The following CLIC4 variants were observed in gnomAD, a reference collection of about 807,000 sequenced individuals.
CLIC4 encodes CLIC family member 4, also known as chloride intracellular channel protein 4.
CLIC4 carries 13 observed loss-of-function variants against 24.6 expected under a neutral mutation model. That is an observed-to-expected ratio of 0.53 (90% CI 0.34 to 0.84). The LOEUF (loss-of-function observed/expected upper bound fraction) is 0.84, where lower values mean the gene tolerates loss of function less well. CLIC4 is among the 40% of genes least tolerant of loss of function. The pLI is 0.01. For missense variants in CLIC4, 227 were observed against 301.7 expected, an observed-to-expected ratio of 0.75 and a Z score of 1.83; for synonymous variants, 104 against 111.3, an observed-to-expected ratio of 0.93 and a Z score of 0.41.
intron 3 of CLIC4, among the ~76,000 whole-genome samples, chr1:24,826,027 C>T (rs1030063002): frequency 2.6e-5 from 4 of 152,160 alleles, no homozygotes; most frequent in African/African-American, 9.7e-5. Flanking sequence ...TGACATGAGT[C>T]CTCCTAAAGG....
At chr1:24,778,712 C>T (rs1426540957) in intron 1 of CLIC4, among the ~76,000 whole-genome samples, 1 of 152,158 alleles carries the variant, frequency 6.6e-6, no homozygotes, top group Non-Finnish European at 1.5e-5. Flanking sequence ...TAGACTTGTT[C>T]CTCCTTTTAG....
chr1:24,767,142 T>C (rs1639011238), intron 1 of CLIC4, among the ~76,000 whole-genome samples: 2 of 151,686 alleles, frequency 1.3e-5, no homozygotes, highest in Non-Finnish European at 2.9e-5. Flanking sequence ...CTGGGCCACA[T>C]GTGGCCCACG....
intron 2 of CLIC4, among the ~76,000 whole-genome samples, chr1:24,809,264 A>C (rs954099773): frequency 3.3e-5 from 5 of 152,186 alleles, no homozygotes; most frequent in Non-Finnish European, 7.3e-5. Context: ...TTTTAAATTA[A>C]TGAGATAATT....
intron 3 of CLIC4, among the ~76,000 whole-genome samples, chr1:24,823,520 A>G (rs188479686): frequency 1.8e-4 from 27 of 152,338 alleles, no homozygotes; most frequent in Admixed American, 7.2e-4. Flanking sequence ...CACGCCTGTA[A>G]TCCCAGCACT....
Position 24,839,925 on chromosome 1 carries a change from G to T in CLIC4, c.481G>T (p.Asp161Tyr), listed in dbSNP as rs370947637. 5.1e-5 allele frequency: 82 copies of T among 1,613,052 alleles called. No individual in the cohort carries two copies. Among genetic ancestry groups the T allele is most frequent in the Non-Finnish European group, 3.1e-5 (36 of 1,179,946 alleles). ...LDEYLNSPLPDEIDENSMEDI... is the reference protein window; with the variant it reads ...LDEYLNSPLPYEIDENSMEDI... The stretch of plus-strand genomic sequence containing the variant: ...TGAATATCTGAATTCTCCTCTCCCT[G>T]ATGAAATTGATGAAAATAGTATGGA... The change falls in exon 5 of 6, where the codon GAT (aspartate) becomes TAT (tyrosine). Residue 161 changes from aspartate (D) to tyrosine (Y), a missense_variant. Physicochemically the swap from Asp to Tyr is radical, Grantham distance 160. Coordinates refer to ENST00000374379, the MANE Select transcript of CLIC4 (RefSeq NM_013943.3).
At chr1:24,822,747 T>G (rs557281389) in intron 3 of CLIC4, among the ~76,000 whole-genome samples, 1 of 152,224 alleles carries the variant, frequency 6.6e-6, no homozygotes, top group Non-Finnish European at 1.5e-5. Flanking sequence ...GAATGTCGCC[T>G]TCTTAGTGGG....
intron 1 of CLIC4, among the ~76,000 whole-genome samples, chr1:24,760,313 C>T (rs188226573): frequency 6.6e-5 from 10 of 152,046 alleles, no homozygotes; most frequent in Admixed American, 3.9e-4. Flanking sequence ...TTGCAGTGAG[C>T]CTAGATTGCA....
At chr1:24,760,612 A>G (rs1638915754) in intron 1 of CLIC4, among the ~76,000 whole-genome samples, 1 of 151,624 alleles carries the variant, frequency 6.6e-6, no homozygotes, top group Non-Finnish European at 1.5e-5. Flanking sequence ...TGGCTTTTCC[A>G]CCCTCTCCCT....
intron 1 of CLIC4, among the ~76,000 whole-genome samples, chr1:24,785,796 G>T (rs758977033): frequency 1.4e-5 from 2 of 138,876 alleles, no homozygotes; most frequent in Non-Finnish European, 3.0e-5. Flanking sequence ...AGGTTGCACT[G>T]AGCTGCTGAG....
chr1:24,801,077 A>T (rs1356587602), intron 2 of CLIC4, among the ~76,000 whole-genome samples: 2 of 146,168 alleles, frequency 1.4e-5, no homozygotes, highest in African/African-American at 5.5e-5. Flanking sequence ...ATAAATTAAA[A>T]AAAAAAAAAA....
intron 1 of CLIC4, among the ~76,000 whole-genome samples, chr1:24,758,921 A>T (rs1449579770): frequency 6.6e-6 from 1 of 152,156 alleles, no homozygotes; most frequent in Non-Finnish European, 1.5e-5. Context: ...CTGATCTGAT[A>T]TGTAACATGT....
intron 4 of CLIC4, among the ~76,000 whole-genome samples, chr1:24,830,278 C>T (rs771276708): frequency 3.9e-5 from 6 of 152,108 alleles, no homozygotes; most frequent in Non-Finnish European, 8.8e-5. Flanking sequence ...GCAAACATTT[C>T]TGTAAGTACG....
At chr1:24,769,628 GA>G (rs913809611) in intron 1 of CLIC4, among the ~76,000 whole-genome samples, 15 of 151,074 alleles carry the variant, frequency 9.9e-5, no homozygotes, top group African/African-American at 2.7e-4. Context: ...CAGTCACCCT[GA>G]AAAAAAAATT....
At chr1:24,815,278 A>T (rs1163886321) in intron 3 of CLIC4, among the ~76,000 whole-genome samples, 2 of 152,078 alleles carry the variant, frequency 1.3e-5, no homozygotes, top group African/African-American at 4.8e-5. Flanking sequence ...CGGATGGATC[A>T]CCTGAGGTTG....
At chr1:24,799,256 C>G (rs866739010) in intron 2 of CLIC4, among the ~76,000 whole-genome samples, 49 of 150,788 alleles carry the variant, frequency 3.2e-4, no homozygotes, top group Admixed American at 2.0e-3. Flanking sequence ...CGTCTCTGCC[C>G]GGCCGCCCAT....
chr1:24,769,170 A>T (rs1639043453), intron 1 of CLIC4, among the ~76,000 whole-genome samples: 1 of 152,166 alleles, frequency 6.6e-6, no homozygotes, highest in African/African-American at 2.4e-5. Context: ...TGTAAGAATC[A>T]TGAAGTGACT....
Position 24,820,067 on chromosome 1 carries a change from G to GTGTATA in CLIC4, c.308+5849_308+5850insGTATAT, listed in dbSNP as rs1212033050. ...TACTTCAAAAAAAAAAAAAAAGTATGTATATATATATGTATATATATATAT... is the reference window on the plus strand; with the variant it reads ...TACTTCAAAAAAAAAAAAAAAGTATGTGTATATATATATATATGTATATATATATAT... On this transcript the variant is annotated intron_variant, in intron 3 of 5. Coordinates refer to ENST00000374379, the MANE Select transcript of CLIC4 (RefSeq NM_013943.3). Among the ~76,000 whole-genome samples the GTGTATA allele has an allele frequency of 5.5e-3, 202 of 36,426 alleles. 15 individuals are homozygous for GTGTATA. Among genetic ancestry groups the GTGTATA allele is most frequent in the African/African-American group, 8.4e-3 (94 of 11,226 alleles). 23.9% of individuals were successfully genotyped at this position (36,426 alleles called of 152,430 possible). A position where few individuals can be genotyped will look rare whatever the true frequency, so the allele number is the denominator to read the frequency against.
intron 1 of CLIC4, among the ~76,000 whole-genome samples, chr1:24,774,965 G>A (rs1411359492): frequency 6.6e-6 from 1 of 152,020 alleles, no homozygotes; most frequent in Non-Finnish European, 1.5e-5. Context: ...CAGCTACTGG[G>A]GCAGCTGAGG....
chr1:24,825,100 CTGTA>C (rs1639774951), intron 3 of CLIC4, among the ~76,000 whole-genome samples: 1 of 151,744 alleles, frequency 6.6e-6, no homozygotes, highest in African/African-American at 2.4e-5. Flanking sequence ...AAGAATTACA[CTGTA>C]TGTATGAATG....
Sources: allele counts gnomAD v4.1 joint callset (sites outside exome capture counted in the v4.1 genomes callset), GRCh38; gene constraint gnomAD v4.1.1; transcripts MANE v1.5; gene names NCBI Gene and HGNC (gene_info 2026-07-23, HGNC 2026-07-21).